Variants in ANK1 observed in about 807,000 individuals in gnomAD.
ANK1 encodes the protein ankyrin 1.
A neutral mutation model predicts 210.4 loss-of-function variants in ANK1; 51 were observed. The ratio of observed to expected loss-of-function variants is 0.24; its 90% CI spans 0.19 to 0.31. The LOEUF (loss-of-function observed/expected upper bound fraction) is 0.31. Ranked by LOEUF, ANK1 falls within the 10% of genes least tolerant of loss-of-function variation. ANK1 has a pLI of 1.00. For missense variants in ANK1, 2,051 were observed against 2,504.4 expected (o/e 0.82, Z 3.86); for synonymous variants, 967 against 1,025.9 (o/e 0.94, Z 1.10).
chr8:41,794,850 A>G (rs1482810831), intron 1 of ANK1, among the ~76,000 whole-genome samples: 2 of 152,152 alleles, frequency 1.3e-5, no homozygotes, highest in Non-Finnish European at 2.9e-5. Flanking sequence ...GACTACAGGC[A>G]CACGCCACCA....
upstream of ANK1, chr8:41,797,764 C>A: frequency 1.8e-6 from 1 of 570,042 alleles, no homozygotes; most frequent in Non-Finnish European, 2.9e-6. The surrounding 1 kb of genome is among the most constrained non-coding windows in gnomAD (Gnocchi z 4.0). Context: ...AGCACCTCCT[C>A]CCCCAACCCC....
At chr8:41,676,248 T>C (rs10099310) in intron 37 of ANK1, among the ~76,000 whole-genome samples, 5,551 of 152,324 alleles carry the variant, frequency 0.036, 269 homozygotes, top group African/African-American at 0.11. Context: ...CACCAACACT[T>C]GATATGGCCA....
chr8:41,867,760 G>C (rs1814752069), intron 1 of ANK1, among the ~76,000 whole-genome samples: 2 of 152,198 alleles, frequency 1.3e-5, no homozygotes, highest in Non-Finnish European at 2.9e-5. Context: ...AAATGACAGT[G>C]TTCCTCATCT....
chr8:41,721,459 C>G (rs555233490), intron 9 of ANK1, among the ~76,000 whole-genome samples: 7 of 152,204 alleles, frequency 4.6e-5, no homozygotes, highest in African/African-American at 1.7e-4. Flanking sequence ...GAGTTCGAGA[C>G]CAGCCTGGCT....
intron 24 of ANK1, among the ~76,000 whole-genome samples, chr8:41,697,112 G>C (rs755673485): frequency 6.6e-6 from 1 of 152,144 alleles, no homozygotes; most frequent in South Asian, 2.1e-4. Context: ...TCTGCCCATG[G>C]GGAGCCCTGC....
At chr8:41,741,467 C>A (rs946386644) in intron 2 of ANK1, among the ~76,000 whole-genome samples, 5 of 152,004 alleles carry the variant, frequency 3.3e-5, no homozygotes, top group African/African-American at 1.2e-4. Context: ...TTAATCCCAG[C>A]ACTTTGGGAG....
chr8:41,698,680 T>C (rs76002688), intron 23 of ANK1, among the ~76,000 whole-genome samples: 5,427 of 152,240 alleles, frequency 0.036, 172 homozygotes, highest in African/African-American at 0.089. Flanking sequence ...AGAAATGTGG[T>C]CCAGGCAGGC....
At chr8:41,731,679 T>TC (rs1191425957) in intron 3 of ANK1, among the ~76,000 whole-genome samples, 4 of 152,108 alleles carry the variant, frequency 2.6e-5, no homozygotes, top group East Asian at 3.8e-4. Context: ...CACCTTTTTT[T>TC]CCCCCTCTCT....
At chr8:41,827,394 G>T (rs1480302664) in intron 1 of ANK1, among the ~76,000 whole-genome samples, 3 of 152,176 alleles carry the variant, frequency 2.0e-5, no homozygotes, top group Non-Finnish European at 4.4e-5. Context: ...GAGCGTCTTA[G>T]ACTGCTCTCT....
At chr8:41,761,184 TGCATGCGCAC>T (rs1563693732) in intron 1 of ANK1, among the ~76,000 whole-genome samples, 1 of 115,844 alleles carries the variant, frequency 8.6e-6, no homozygotes, top group East Asian at 2.5e-4. Flanking sequence ...CACACACAGA[TGCATGCGCAC>T]ACACACAGAT....
At chr8:41,661,689 G>GGAGA (rs1452314362) in intron 41 of ANK1, 125 bp from the exon 42 acceptor site, 3 of 1,597,404 alleles carry the variant, frequency 1.9e-6, no homozygotes, top group Non-Finnish European at 2.6e-6. Flanking sequence ...AAGAGAGACT[G>GGAGA]GAGAGAGAGC....
At chr8:41,687,697 T>C (rs767595942) in intron 35 of ANK1, among the ~76,000 whole-genome samples, 5 of 152,198 alleles carry the variant, frequency 3.3e-5, no homozygotes, top group Non-Finnish European at 7.3e-5. Flanking sequence ...CATTGGGCAA[T>C]GGACCTGCTG....
At chr8:41,868,759 T>G (rs1814947799) in intron 1 of ANK1, among the ~76,000 whole-genome samples, 1 of 152,186 alleles carries the variant, frequency 6.6e-6, no homozygotes. Context: ...TTCAAAATCT[T>G]TTTTAAAAGA....
chr8:41,660,725 C>T (rs1035205500), intron 42 of ANK1, among the ~76,000 whole-genome samples: 4 of 152,198 alleles, frequency 2.6e-5, no homozygotes, highest in Admixed American at 6.5e-5. Flanking sequence ...GCAGAAAGCA[C>T]GTCGTCCACC....
At chr8:41,866,324 A>T (rs1814447748) in intron 1 of ANK1, among the ~76,000 whole-genome samples, 1 of 152,136 alleles carries the variant, frequency 6.6e-6, no homozygotes, top group South Asian at 2.1e-4. Context: ...CGGGTAGCTG[A>T]GACCACAGGT....
At chr8:41,875,157 C>T (rs1200673762) in intron 1 of ANK1, among the ~76,000 whole-genome samples, 1 of 152,210 alleles carries the variant, frequency 6.6e-6, no homozygotes, top group Non-Finnish European at 1.5e-5. Flanking sequence ...GAACTCCAAG[C>T]CCTCCTGTCC....
chr8:41,756,215 G>A (rs1190438769), intron 2 of ANK1, among the ~76,000 whole-genome samples: 2 of 151,532 alleles, frequency 1.3e-5, no homozygotes, highest in South Asian at 2.1e-4. Context: ...CGACGATCTC[G>A]GCTCACTGCA....
intron 1 of ANK1, among the ~76,000 whole-genome samples, chr8:41,855,305 CAG>C (rs989359955): frequency 3.9e-5 from 6 of 152,220 alleles, no homozygotes; most frequent in African/African-American, 1.4e-4. Context: ...CGGTGATCTC[CAG>C]ACTCATCCAC....
At chr8:41,827,906 A>G (rs577908929) in intron 1 of ANK1, among the ~76,000 whole-genome samples, 201 of 151,638 alleles carry the variant, frequency 1.3e-3, no homozygotes, top group African/African-American at 4.6e-3. Flanking sequence ...ATGCACACTC[A>G]CGTGCACACA....
Sources: allele counts gnomAD v4.1 joint callset (sites outside exome capture counted in the v4.1 genomes callset), GRCh38; gene constraint gnomAD v4.1.1; non-coding constraint Gnocchi (gnomAD v3.1); transcripts MANE v1.5; gene names NCBI Gene and HGNC (gene_info 2026-07-23, HGNC 2026-07-21).